PAK6: variants seen among roughly 807,000 people sequenced by gnomAD.
PAK6 encodes serine/threonine-protein kinase PAK 6.
PAK6 carries 33 observed loss-of-function variants against 60.8 expected under a neutral mutation model. The observed-to-expected ratio is 0.54, with a 90% CI of 0.41 to 0.73. The LOEUF (loss-of-function observed/expected upper bound fraction) is 0.73. Ranked by LOEUF, PAK6 falls within the 30% of genes least tolerant of loss-of-function variation. The pLI, the probability that PAK6 is intolerant of heterozygous loss-of-function variation, is 0.00. For missense variants in PAK6, 845 were observed against 904.1 expected, an observed-to-expected ratio of 0.93 and a Z score of 0.84; for synonymous variants, 404 against 378.5, an observed-to-expected ratio of 1.07 and a Z score of -0.78.
chr15:40,252,842 C>G (rs1432242740), intron 2 of PAK6: 1 of 1,281,044 alleles, frequency 7.8e-7, no homozygotes, highest in South Asian at 1.3e-5. Flanking sequence ...GCTCCGCGTC[C>G]CTGGAGCGGG....
At chr15:40,272,442 C>T (rs776213543) in exon 6 of PAK6, 6 of 1,613,558 alleles carry the variant, frequency 3.7e-6, no homozygotes, top group Non-Finnish European at 5.1e-6. Flanking sequence ...ACGCCCAGAT[C>T]AGCACCAGCA....
At chr15:40,261,261 G>T (rs1023517035) in intron 3 of PAK6, among the ~76,000 whole-genome samples, 5 of 151,772 alleles carry the variant, frequency 3.3e-5, no homozygotes, top group African/African-American at 1.2e-4. Flanking sequence ...CCTTGAGCCT[G>T]GGCACGGTGG....
intron 4 of PAK6, among the ~76,000 whole-genome samples, chr15:40,265,599 C>G (rs2140980066): frequency 6.6e-6 from 1 of 152,358 alleles, no homozygotes; most frequent in African/African-American, 2.4e-5. Flanking sequence ...AGCCCCATGG[C>G]ACTCACCATC....
chr15:40,256,234 A>AC (rs1017780965), intron 3 of PAK6, among the ~76,000 whole-genome samples: 1 of 150,934 alleles, frequency 6.6e-6, no homozygotes, highest in Non-Finnish European at 1.5e-5. Context: ...CTAAAAAAAA[A>AC]TTTTTTTTTT....
At chr15:40,248,780 A>AT (rs1182273071) in intron 2 of PAK6, among the ~76,000 whole-genome samples, 11 of 152,244 alleles carry the variant, frequency 7.2e-5, no homozygotes, top group Admixed American at 2.0e-4. Flanking sequence ...CTGGGCAGTG[A>AT]TTTTTTTAAA....
At chr15:40,269,698 C>T (rs1468776798) in intron 5 of PAK6, among the ~76,000 whole-genome samples, 1 of 152,200 alleles carries the variant, frequency 6.6e-6, no homozygotes, top group Admixed American at 6.5e-5. Flanking sequence ...GAAGACCAAG[C>T]CAGCTCCCCA....
At chr15:40,272,440 A>T (rs2039332635) in exon 6 of PAK6, 2 of 1,613,664 alleles carry the variant, frequency 1.2e-6, no homozygotes, top group Non-Finnish European at 8.5e-7. Flanking sequence ...GCACGCCCAG[A>T]TCAGCACCAG....
intron 1 of PAK6, 27 bp from the exon 2 acceptor site, chr15:40,240,562 CTTTTTTTTTT>C (rs10624794): frequency 1.2e-5 from 4 of 321,588 alleles, no homozygotes; most frequent in African/African-American, 6.2e-5. Context: ...TTTTCTTTTC[CTTTTTTTTTT>C]TTTTTTTTTT....
In PAK6 at chr15:40,240,583, T is replaced by TTTC. The variant is rs59068633; in HGVS notation, c.-200-16_-200-15insTTC. The TTTC allele has an allele frequency of 5.0e-4, 207 of 411,170 alleles. 2 individuals are homozygous for TTTC. The highest frequency in any genetic ancestry group is 4.2e-3 in the African/African-American group (193 of 45,934). The allele number at this position is 411,170 out of a possible 1,614,324, so 25.5% of individuals were successfully genotyped here. Reference sequence around the variant, plus strand: ...TTTCCTTTTTTTTTTTTTTTTTTTTTCTATTTTGCCTGAAGGGAGTGCCGC... The same window carrying TTTC: ...TTTCCTTTTTTTTTTTTTTTTTTTTTTTCCTATTTTGCCTGAAGGGAGTGCCGC... On this transcript the variant is annotated splice_polypyrimidine_tract_variant and intron_variant, in intron 1 of 10. Transcript: ENST00000560346.
chr15:40,272,373 C>T, exon 6 of PAK6: 1 of 1,613,700 alleles, frequency 6.2e-7, no homozygotes, highest in Middle Eastern at 1.6e-4. Context: ...TCCGCACAGC[C>T]CCGGCCACAG....
At chr15:40,265,750 C>A in intron 4 of PAK6, 92 bp from the exon 5 acceptor site, 1 of 1,209,898 alleles carries the variant, frequency 8.3e-7, no homozygotes, top group Non-Finnish European at 1.1e-6. Context: ...TCCCCAGGGC[C>A]CCCAGGGACA....
chr15:40,255,288 A>G (rs775327645), intron 3 of PAK6, among the ~76,000 whole-genome samples: 6 of 152,206 alleles, frequency 3.9e-5, no homozygotes, highest in Non-Finnish European at 8.8e-5. Context: ...GCAGCCCATT[A>G]TCTCTCCCCT....
chr15:40,252,484 T>G (rs368409250), intron 2 of PAK6: 1 of 1,363,270 alleles, frequency 7.3e-7, no homozygotes, highest in South Asian at 1.1e-5. Flanking sequence ...CCAGCGACAC[T>G]TGGCAACTTC....
chr15:40,270,826 C>G (rs949569361), intron 5 of PAK6, among the ~76,000 whole-genome samples: 1 of 152,318 alleles, frequency 6.6e-6, no homozygotes, highest in East Asian at 1.9e-4. Flanking sequence ...TGTCGGCCAG[C>G]AGGAGTGCCT....
chr15:40,253,122 C>A (rs2038734978), intron 2 of PAK6, 56 bp from the exon 3 acceptor site: 1 of 433,758 alleles, frequency 2.3e-6, no homozygotes, highest in Non-Finnish European at 4.7e-6. Flanking sequence ...GTCGCAACAC[C>A]CGCGGGAACA....
At chr15:40,274,451 C>T (rs2039394548) in intron 10 of PAK6, among the ~76,000 whole-genome samples, 175 bp downstream of exon 10, 1 of 152,266 alleles carries the variant, frequency 6.6e-6, no homozygotes, top group Non-Finnish European at 1.5e-5. Context: ...CGCATCTACG[C>T]ACAAGTTCGC....
exon 4 of PAK6, chr15:40,264,897 C>A: frequency 1.2e-6 from 2 of 1,613,964 alleles, no homozygotes; most frequent in South Asian, 1.1e-5. Flanking sequence ...GGGCCTCCCC[C>A]CACAATGGCA....
Position 40,266,134 on chromosome 15 carries a change from C to T in PAK6, c.497C>T (p.Pro166Leu), listed in dbSNP as rs529361666. ...ATGCCGTGGCCCGAGCCACAGAGCC[C>T]ACGGGTCCTGCCCAATGGGCTGGCT... Residue 166 changes from proline to leucine, a missense_variant, in exon 5 of 11, where the codon CCA becomes CTA. By Grantham distance (98) the Pro-to-Leu change is moderately conservative. Transcript: ENST00000560346. 2.5e-6 allele frequency: 4 copies of T among 1,609,880 alleles called. No individual in the cohort carries two copies. In the Admixed American group the frequency reaches 6.7e-5, roughly 27 times the overall value.
chr15:40,256,652 G>A (rs935268691), intron 3 of PAK6, among the ~76,000 whole-genome samples: 12 of 152,196 alleles, frequency 7.9e-5, no homozygotes, highest in Non-Finnish European at 1.6e-4. Flanking sequence ...GGCCACTGCA[G>A]CCAAGTTCAC....
Sources: gnomAD v4.1 joint callset for allele counts (sites outside exome capture counted in the v4.1 genomes callset) on GRCh38, gnomAD v4.1.1 for gene constraint, MANE v1.5 for transcripts, NCBI Gene and HGNC (gene_info 2026-07-23, HGNC 2026-07-21) for gene names.